NOL4L: variants seen among roughly 807,000 people sequenced by gnomAD.
NOL4L encodes nucleolar protein 4-like.
In NOL4L, 7 loss-of-function variants were observed where a neutral mutation model predicts 64.5. The ratio of observed to expected loss-of-function variants is 0.11; its 90% CI spans 0.06 to 0.20. The LOEUF is 0.20. NOL4L is among the 10% of genes least tolerant of loss of function. The pLI is 1.00. For missense variants in NOL4L, 680 were observed against 967.1 expected, an observed-to-expected ratio of 0.70 and a Z score of 3.94; for synonymous variants, 413 against 401.0, an observed-to-expected ratio of 1.03 and a Z score of -0.36.
Position 32,520,804 on chromosome 20 carries a change from C to T in NOL4L, c.589+7G>A. On this transcript the variant is annotated splice_region_variant and intron_variant, in intron 3 of 10. Transcript: ENST00000621426. ...GCCCTAGCCCTCCAGCACGCCACCCCTGCTACCTTTGGGTTCCAGGCCATT... is the reference window on the plus strand; with the variant it reads ...GCCCTAGCCCTCCAGCACGCCACCCTTGCTACCTTTGGGTTCCAGGCCATT... 6.5e-7 allele frequency: 1 copy of T among 1,536,674 alleles called. No homozygotes were observed. The highest frequency in any genetic ancestry group is 8.8e-7 in the Non-Finnish European group (1 of 1,134,282).
At chr20:32,491,970 G>T (rs1322437729) in intron 4 of NOL4L, among the ~76,000 whole-genome samples, 1 of 152,188 alleles carries the variant, frequency 6.6e-6, no homozygotes, top group African/African-American at 2.4e-5. Flanking sequence ...ATTTAGCTGT[G>T]CATGATGGCA....
chr20:32,528,011 TC>T (rs909437263), intron 1 of NOL4L, 98 bp from the exon 2 acceptor site: 7 of 500,160 alleles, frequency 1.4e-5, no homozygotes, highest in South Asian at 6.3e-5. Flanking sequence ...GGGCAATGCC[TC>T]CGACAGTGGG....
chr20:32,537,923 C>T (rs1425284198), intron 1 of NOL4L, among the ~76,000 whole-genome samples: 1 of 152,128 alleles, frequency 6.6e-6, no homozygotes, highest in Non-Finnish European at 1.5e-5. Flanking sequence ...GGATTACAGA[C>T]ACACACCACC....
At chr20:32,456,555 A>G (rs2013551483) in intron 5 of NOL4L, among the ~76,000 whole-genome samples, 160 bp from the exon 6 acceptor site, 1 of 152,170 alleles carries the variant, frequency 6.6e-6, no homozygotes, top group Non-Finnish European at 1.5e-5. Flanking sequence ...CCACAGCCTC[A>G]GCTGAGGCAG....
At chr20:32,498,029 GC>G (rs1317216416) in intron 4 of NOL4L, among the ~76,000 whole-genome samples, 8 of 152,214 alleles carry the variant, frequency 5.3e-5, no homozygotes, top group Non-Finnish European at 1.2e-4. Flanking sequence ...AAGTTGAAAG[GC>G]CACCTTGGCA....
intron 5 of NOL4L, among the ~76,000 whole-genome samples, chr20:32,457,145 G>A (rs895682892): frequency 6.6e-6 from 1 of 152,228 alleles, no homozygotes; most frequent in Non-Finnish European, 1.5e-5. Context: ...CTGCCGCAAA[G>A]AGCGCGGCAC....
In NOL4L at chr20:32,452,929, T is replaced by A; in HGVS notation, c.1575A>T (p.Arg525Ser). 6.2e-7 allele frequency: 1 copy of A among 1,614,112 alleles called. No individual in the cohort carries two copies. Among genetic ancestry groups the A allele is most frequent in the Non-Finnish European group, 8.5e-7 (1 of 1,180,010 alleles). The change falls in exon 9 of 11, where the codon AGA (arginine) becomes AGT (serine). Residue 525 changes from arginine to serine, a missense_variant. By Grantham distance (110) the Arg-to-Ser change is moderately radical. Transcript: ENST00000621426. ...CTAGACGCATCCGCTTGGCTGCCTT[T>A]CTTGTCTCGCTCTCACAGGCAGCTG... ...ILAAACESET[R>S]KAAKRMRLEI...
chr20:32,471,497 C>T (rs182385648), intron 5 of NOL4L, among the ~76,000 whole-genome samples: 2 of 152,332 alleles, frequency 1.3e-5, no homozygotes, highest in East Asian at 3.9e-4. Flanking sequence ...ACTCAGCCTT[C>T]ATCTGCCTTT....
intron 6 of NOL4L, among the ~76,000 whole-genome samples, chr20:32,454,750 G>T (rs1244021363): frequency 6.6e-6 from 1 of 152,266 alleles, no homozygotes; most frequent in African/African-American, 2.4e-5. Context: ...CCTCAAGGAG[G>T]TTGGCATCTA....
At chr20:32,455,123 A>G (rs2013357444) in intron 6 of NOL4L, among the ~76,000 whole-genome samples, 1 of 152,240 alleles carries the variant, frequency 6.6e-6, no homozygotes, top group South Asian at 2.1e-4. Flanking sequence ...GGGCCAGGGC[A>G]GACAGATGGA....
intron 4 of NOL4L, among the ~76,000 whole-genome samples, chr20:32,489,125 ATT>A (rs11340689): frequency 4.6e-4 from 65 of 142,224 alleles, no homozygotes; most frequent in African/African-American, 1.5e-3. Context: ...ATATCATCTG[ATT>A]TTTTTTTTTT....
At chr20:32,561,360 T>C (rs1039260259) in intron 1 of NOL4L, among the ~76,000 whole-genome samples, 1 of 152,198 alleles carries the variant, frequency 6.6e-6, no homozygotes, top group Non-Finnish European at 1.5e-5. Context: ...GACGCTGGAA[T>C]GCTTCTCTCA....
At chr20:32,451,946 G>A (rs1026628426) in intron 10 of NOL4L, among the ~76,000 whole-genome samples, 12 of 152,208 alleles carry the variant, frequency 7.9e-5, no homozygotes, top group South Asian at 2.1e-4. Flanking sequence ...AGTGAGAGGC[G>A]CCGGTAGTGA....
rs1418387090 is a variant in NOL4L at position 32,463,131 on chromosome 20, C to A, written c.842-6736G>T. 6.6e-6 allele frequency among the ~76,000 whole-genome samples: 1 copy of A among 152,112 alleles called. No homozygotes were observed. The highest frequency in any genetic ancestry group is 1.5e-5 in the Non-Finnish European group (1 of 68,024). On this transcript the variant is annotated intron_variant, in intron 5 of 10. Transcript: ENST00000621426. This position sits in a 1 kb window ranked among gnomAD's most constrained non-coding sequence, Gnocchi z 5.8. ...GCACTTTATGACTCTGTGAAGAAAC[C>A]CAGCTGGCTCCATGGGCACCGAAGC...
chr20:32,481,271 C>T (rs1464987056), intron 4 of NOL4L, among the ~76,000 whole-genome samples: 1 of 152,178 alleles, frequency 6.6e-6, no homozygotes, highest in African/African-American at 2.4e-5. Flanking sequence ...GAGGGCCTCG[C>T]TGGTACCCTC....
At chr20:32,517,068 C>T (rs910785116) in intron 3 of NOL4L, among the ~76,000 whole-genome samples, 6 of 152,206 alleles carry the variant, frequency 3.9e-5, no homozygotes, top group Admixed American at 1.3e-4. Flanking sequence ...TGGAATTTCC[C>T]GTCCTCAGAC....
At chr20:32,513,802 C>T (rs2017520852) in intron 3 of NOL4L, among the ~76,000 whole-genome samples, 2 of 152,044 alleles carry the variant, frequency 1.3e-5, no homozygotes, top group African/African-American at 4.8e-5. Context: ...GACGTTGAGG[C>T]AGCACTGCGA....
intron 1 of NOL4L, among the ~76,000 whole-genome samples, chr20:32,542,866 G>A (rs1030911488): frequency 1.3e-5 from 2 of 152,188 alleles, no homozygotes; most frequent in African/African-American, 2.4e-5. Context: ...CCTTGGGCAC[G>A]TGACTTAACC....
At chr20:32,452,715 C>A (rs1418616921) in intron 9 of NOL4L, among the ~76,000 whole-genome samples, 169 bp downstream of exon 9, 2 of 152,142 alleles carry the variant, frequency 1.3e-5, no homozygotes, top group Non-Finnish European at 2.9e-5. Flanking sequence ...GCTCTGAGAA[C>A]AACACACCTG....
Sources: allele counts gnomAD v4.1 joint callset (sites outside exome capture counted in the v4.1 genomes callset), GRCh38; gene constraint gnomAD v4.1.1; non-coding constraint Gnocchi (gnomAD v3.1); transcripts MANE v1.5; gene names NCBI Gene and HGNC (gene_info 2026-07-23, HGNC 2026-07-21).